Variants in CCDC178 observed in about 807,000 individuals in gnomAD.
CCDC178 encodes the protein coiled-coil domain-containing protein 178.
CCDC178 carries 126 observed loss-of-function variants against 117.4 expected under a neutral mutation model. The ratio of observed to expected loss-of-function variants is 1.07; its 90% CI spans 0.93 to 1.24. CCDC178 has a LOEUF of 1.24. CCDC178 is among the 50% of genes most tolerant of loss of function. The probability of loss-of-function intolerance (pLI) is 0.00; values close to 1 mark genes in which losing one functional copy is unlikely to be tolerated. For synonymous variants in CCDC178, 283 were observed against 313.4 expected (o/e 0.90, Z 1.02); for missense variants, 1,030 against 986.9 (o/e 1.04, Z -0.59).
chr18:33,097,733 T>C (rs1378580116), intron 20 of CCDC178, among the ~76,000 whole-genome samples: 2 of 152,094 alleles, frequency 1.3e-5, no homozygotes, highest in African/African-American at 2.4e-5. Context: ...CTGAATTCCA[T>C]AGTTCTAAGT....
intron 21 of CCDC178, among the ~76,000 whole-genome samples, chr18:33,060,739 A>ACAGTAATG (rs1021649941): frequency 1.4e-4 from 22 of 152,220 alleles, no homozygotes; most frequent in Admixed American, 2.6e-4. Context: ...TTTGAGAAAA[A>ACAGTAATG]CAGTAATGCA....
Position 33,391,594 on chromosome 18 carries a change from A to T in CCDC178, c.119-1965T>A, listed in dbSNP as rs1187874541. On this transcript the variant is annotated intron_variant, in intron 4 of 22. Transcript: ENST00000383096. Reference sequence around the variant, plus strand: ...GCACTATATAACTAATCTACTGTACAGTTAGAAATTTGTCACATAAAGTTA... The same window carrying T: ...GCACTATATAACTAATCTACTGTACTGTTAGAAATTTGTCACATAAAGTTA... Among the ~76,000 whole-genome samples the T allele has an allele frequency of 2.0e-5, 3 of 152,208 alleles. No homozygotes were observed. The East Asian group carries it at 5.8e-4, about 29-fold the overall frequency.
chr18:33,284,605 C>T (rs2060074525), intron 12 of CCDC178, among the ~76,000 whole-genome samples: 1 of 152,146 alleles, frequency 6.6e-6, no homozygotes. Flanking sequence ...TCAATATCTT[C>T]TATTCGCTTG....
At chr18:33,347,378 G>A (rs888343578) in intron 8 of CCDC178, among the ~76,000 whole-genome samples, 2 of 152,152 alleles carry the variant, frequency 1.3e-5, no homozygotes, top group African/African-American at 2.4e-5. Context: ...CGCAAGCTCA[G>A]CAGTCATACA....
chr18:32,958,100 ATTG>A, intron 22 of CCDC178: 1 of 392,958 alleles, frequency 2.5e-6, no homozygotes, highest in Non-Finnish European at 4.7e-6. Flanking sequence ...GGGCTAAATT[ATTG>A]ATGCTACACA....
intron 12 of CCDC178, among the ~76,000 whole-genome samples, chr18:33,273,255 C>A (rs1474498864): frequency 1.3e-5 from 2 of 150,942 alleles, no homozygotes; most frequent in African/African-American, 4.9e-5. Context: ...TAGCAATGAG[C>A]AATACAAAAA....
At chr18:33,252,844 T>G (rs1158409313) in intron 14 of CCDC178, among the ~76,000 whole-genome samples, 1 of 151,812 alleles carries the variant, frequency 6.6e-6, no homozygotes, top group Admixed American at 6.6e-5. Flanking sequence ...TTGTCTTGCT[T>G]AAGATACAGT....
intron 22 of CCDC178, among the ~76,000 whole-genome samples, chr18:32,942,696 T>C (rs1386684915): frequency 2.0e-5 from 3 of 151,902 alleles, no homozygotes; most frequent in Non-Finnish European, 4.4e-5. Context: ...TTTTTATTCT[T>C]TTTTTTTAAT....
At chr18:33,302,452 GTATGAAAATT>G (rs1205880817) in intron 11 of CCDC178, among the ~76,000 whole-genome samples, 1 of 152,168 alleles carries the variant, frequency 6.6e-6, no homozygotes, top group East Asian at 1.9e-4. Context: ...ATGGATAATA[GTATGAAAATT>G]CCACAAAAGT....
intron 11 of CCDC178, among the ~76,000 whole-genome samples, chr18:33,305,380 C>T (rs544583306): frequency 2.0e-5 from 3 of 152,110 alleles, no homozygotes; most frequent in South Asian, 2.1e-4. Flanking sequence ...ATGATGAGGA[C>T]ACTCACCCCA....
intron 5 of CCDC178, among the ~76,000 whole-genome samples, chr18:33,381,659 TC>T (rs1347771158): frequency 1.3e-5 from 2 of 152,290 alleles, no homozygotes. Flanking sequence ...TTCAAATCTC[TC>T]CTGATCCATT....
intron 22 of CCDC178, among the ~76,000 whole-genome samples, chr18:32,962,310 G>A (rs1399155481): frequency 6.6e-6 from 1 of 151,932 alleles, no homozygotes; most frequent in Non-Finnish European, 1.5e-5. Context: ...AATAAAAAGA[G>A]AGTCTTTTAC....
At chr18:33,278,537 T>C (rs2059981794) in intron 12 of CCDC178, among the ~76,000 whole-genome samples, 2 of 151,986 alleles carry the variant, frequency 1.3e-5, no homozygotes, top group African/African-American at 2.4e-5. Context: ...AGCATTTATA[T>C]ATGGAATCAA....
At position 33,034,031 on chromosome 18, in the gene CCDC178, T is replaced by C. The variant is rs573350928; in HGVS notation, c.2388+58730A>G. On this transcript the variant is annotated intron_variant, in intron 21 of 22. Transcript: ENST00000383096. ...ACCTAAAACTCAACCAATGTCATCA[T>C]CTTTCCCTACAAACCCGTTTTTCCT... Among the ~76,000 whole-genome samples, 4 of 152,128 alleles carry C rather than the reference T, an allele frequency of 2.6e-5. No homozygotes were observed. The South Asian group carries it at 8.3e-4, about 32-fold the overall frequency.
intron 14 of CCDC178, among the ~76,000 whole-genome samples, chr18:33,264,218 T>C (rs2144757963): frequency 6.6e-6 from 1 of 152,242 alleles, no homozygotes; most frequent in East Asian, 1.9e-4. Flanking sequence ...AGTTTATATG[T>C]GCAAATAATC....
chr18:33,316,892 G>A (rs1224809064), intron 11 of CCDC178, among the ~76,000 whole-genome samples: 2 of 151,870 alleles, frequency 1.3e-5, no homozygotes, highest in Non-Finnish European at 2.9e-5. Context: ...TCGACACTCT[G>A]TATCTAGCTA....
chr18:32,940,369 G>A (rs529395494), intron 22 of CCDC178, among the ~76,000 whole-genome samples: 58 of 151,684 alleles, frequency 3.8e-4, no homozygotes, highest in Middle Eastern at 6.8e-3. Flanking sequence ...TGCAAACTTC[G>A]TAATGCAGAT....
At chr18:33,393,195 A>T (rs2063584980) in intron 4 of CCDC178, among the ~76,000 whole-genome samples, 1 of 152,212 alleles carries the variant, frequency 6.6e-6, no homozygotes, top group African/African-American at 2.4e-5. Flanking sequence ...AATATTTCAT[A>T]TGTATGCCTT....
At chr18:33,224,641 G>A (rs76742118) in intron 17 of CCDC178, 134 bp downstream of exon 17, 20 of 488,686 alleles carry the variant, frequency 4.1e-5, no homozygotes, top group Admixed American at 8.4e-5. Flanking sequence ...ATCAAGTTGC[G>A]TGGTCCTGAA....
Sources: allele counts gnomAD v4.1 joint callset (sites outside exome capture counted in the v4.1 genomes callset), GRCh38; gene constraint gnomAD v4.1.1; transcripts MANE v1.5; gene names NCBI Gene and HGNC (gene_info 2026-07-23, HGNC 2026-07-21).